Variants in NCKAP5L observed in about 807,000 individuals in gnomAD.
NCKAP5L encodes the protein NCK associated protein 5 like.
In NCKAP5L, 54 loss-of-function variants were observed where a neutral mutation model predicts 103.2. The ratio of observed to expected loss-of-function variants is 0.52; its 90% CI spans 0.42 to 0.66. The LOEUF is 0.66. Among genes scored for constraint, NCKAP5L ranks in the 30% least tolerant of loss-of-function variants. NCKAP5L has a pLI of 0.00. For synonymous variants in NCKAP5L, 762 were observed against 748.6 expected, an observed-to-expected ratio of 1.02 and a Z score of -0.29; for missense variants, 1,733 against 1,750.6, an observed-to-expected ratio of 0.99 and a Z score of 0.18.
intron 1 of NCKAP5L, among the ~76,000 whole-genome samples, chr12:49,827,776 C>T (rs1372931071): frequency 4.6e-5 from 7 of 152,208 alleles, no homozygotes; most frequent in Admixed American, 4.6e-4. Context: ...CTAGGAGACC[C>T]GGTCTTTCCG....
chr12:49,801,053 C>T (rs1209680725), intron 6 of NCKAP5L, among the ~76,000 whole-genome samples: 2 of 152,208 alleles, frequency 1.3e-5, no homozygotes, highest in African/African-American at 2.4e-5. Context: ...TGACAAGGGG[C>T]CGCCTCTGCA....
At chr12:49,811,752 G>A (rs1163112378) in intron 1 of NCKAP5L, among the ~76,000 whole-genome samples, 1 of 151,998 alleles carries the variant, frequency 6.6e-6, no homozygotes, top group Non-Finnish European at 1.5e-5. Context: ...CAGCCTGGGC[G>A]ACAAAGAGGG....
At chr12:49,812,028 C>CT (rs1233429373) in intron 1 of NCKAP5L, among the ~76,000 whole-genome samples, 4 of 152,042 alleles carry the variant, frequency 2.6e-5, no homozygotes, top group Admixed American at 1.3e-4. Flanking sequence ...TCCTCCTGGA[C>CT]TTTTTTTTAA....
chr12:49,801,972 C>A lies in NCKAP5L; in HGVS notation c.232-5G>T. 1 of 1,613,556 alleles carries A rather than the reference C, an allele frequency of 6.2e-7. No individual in the cohort carries two copies. Among genetic ancestry groups the A allele is most frequent in the Non-Finnish European group, 8.5e-7 (1 of 1,179,758 alleles). Reference sequence around the variant, plus strand: ...GATGCACTCCTCTCGCAGGTCCTGCCGCCCACCCCGGGAAGTGCAGGAAGA... The same window carrying A: ...GATGCACTCCTCTCGCAGGTCCTGCAGCCCACCCCGGGAAGTGCAGGAAGA... On this transcript the variant is annotated splice_region_variant and splice_polypyrimidine_tract_variant and intron_variant, in intron 5 of 12. Transcript: ENST00000335999.
intron 1 of NCKAP5L, among the ~76,000 whole-genome samples, chr12:49,816,080 G>T (rs1946291884): frequency 6.6e-6 from 1 of 152,160 alleles, no homozygotes; most frequent in Non-Finnish European, 1.5e-5. Flanking sequence ...TCTTCTACAA[G>T]TGCCTCCTGC....
At chr12:49,816,006 TTGTC>T (rs1223055627) in intron 1 of NCKAP5L, among the ~76,000 whole-genome samples, 1 of 152,186 alleles carries the variant, frequency 6.6e-6, no homozygotes, top group Non-Finnish European at 1.5e-5. Context: ...AGCTCTGCCT[TTGTC>T]TGGCCCCAGA....
chr12:49,808,715 G>A (rs147445162), intron 1 of NCKAP5L, among the ~76,000 whole-genome samples: 5 of 152,264 alleles, frequency 3.3e-5, no homozygotes, highest in East Asian at 1.9e-4. Context: ...GCTGAGCACC[G>A]CCTCCTCCCT....
Position 49,793,398 on chromosome 12 carries a change from G to A in NCKAP5L, c.3294C>T (p.Pro1098=). 2 of 1,609,112 alleles carry A rather than the reference G, an allele frequency of 1.2e-6. No individual in the cohort carries two copies. The highest frequency in any genetic ancestry group is 1.1e-5 in the South Asian group (1 of 91,088). The change falls in exon 10 of 13, where the codon CCC becomes CCT. Residue 1098 remains proline (P), a synonymous_variant. Coordinates refer to ENST00000335999, the MANE Select transcript of NCKAP5L (RefSeq NM_001037806.4). The stretch of plus-strand genomic sequence containing the variant: ...CTGGCTCGGCCAGGCTGTCCTCCGA[G>A]GGCATCTCTTCCCGCCTCCCTGGCT... ...SSEPGRREEM[P]SEDSLAEPVP...
chr12:49,795,376 A>G lies in NCKAP5L; in HGVS notation c.2484T>C (p.Pro828=). The stretch of plus-strand genomic sequence containing the variant: ...TGGTGACTAGCGGAGCCCCAGGTCG[A>G]GGCACCACCTTGGTTGGTGACTTGG... ...LPSKSPTKVV[P]RPGAPLVTKE... Residue 828 remains proline, a synonymous_variant, in exon 8 of 13, where the codon CCT becomes CCC. Transcript: ENST00000335999. The G allele has an allele frequency of 6.4e-7, 1 of 1,560,996 alleles. No homozygotes were observed. Among genetic ancestry groups the G allele is most frequent in the South Asian group, 1.2e-5 (1 of 81,044 alleles).
In NCKAP5L at chr12:49,795,128, T is replaced by C; in HGVS notation, c.2732A>G (p.His911Arg). The change falls in exon 8 of 13, where the codon CAC becomes CGC. Residue 911 changes from histidine (H) to arginine (R), a missense_variant. Transcript: ENST00000335999. ...GCTGGCGATGCTGCTGGTGTTGCGGTGCTTGACCTCGGCGCCAGGGGCTCG... is the reference window on the plus strand; with the variant it reads ...GCTGGCGATGCTGCTGGTGTTGCGGCGCTTGACCTCGGCGCCAGGGGCTCG... ...QERAPGAEVK[H>R]RNTSSIASWF... The C allele has an allele frequency of 1.2e-6, 2 of 1,612,524 alleles. No individual in the cohort carries two copies. Among genetic ancestry groups the C allele is most frequent in the South Asian group, 1.1e-5 (1 of 91,060 alleles).
intron 1 of NCKAP5L, among the ~76,000 whole-genome samples, chr12:49,809,001 G>A (rs1222300148): frequency 6.6e-6 from 1 of 152,090 alleles, no homozygotes; most frequent in Non-Finnish European, 1.5e-5. Flanking sequence ...AAGGAGGGGG[G>A]AGAAGAGCGG....
chr12:49,801,857 C>G lies in NCKAP5L; in HGVS notation c.342G>C (p.Ser114=), dbSNP rs768457814. Residue 114 remains serine, a synonymous_variant, in exon 6 of 13, where the codon TCG becomes TCC. Coordinates refer to ENST00000335999, the MANE Select transcript of NCKAP5L (RefSeq NM_001037806.4). ...GAGCGCAGATGCCTACCTGAGGGAG[C>G]GAGCCTGTCGTGAGCTGGAGTTTCT... The part of the protein sequence containing the change: ...FQQKLQLTTG[S]LPQIPLTPLQ... 1 of 1,613,882 alleles carries G rather than the reference C, an allele frequency of 6.2e-7. No homozygotes were observed. The highest frequency in any genetic ancestry group is 1.1e-5 in the South Asian group (1 of 91,070).
At chr12:49,793,309 G>C in intron 10 of NCKAP5L, 43 bp downstream of exon 10, 1 of 1,561,514 alleles carries the variant, frequency 6.4e-7, no homozygotes, top group South Asian at 1.1e-5. Context: ...AAGTGGGTAG[G>C]GGGGTGGGGG....
In NCKAP5L at chr12:49,795,598, AGAG is replaced by A. The variant is rs756926194; in HGVS notation, c.2259_2261del (p.Ser754del). 1.4e-5 allele frequency: 22 copies of A among 1,582,344 alleles called. No individual in the cohort carries two copies. The Admixed American group carries it at 1.6e-4, about 12-fold the overall frequency. On this transcript the variant is annotated inframe_deletion, in exon 8 of 13. Coordinates refer to ENST00000335999, the MANE Select transcript of NCKAP5L (RefSeq NM_001037806.4). The stretch of plus-strand genomic sequence containing the variant: ...GGTCCACCCGGGCCCCCATGGAGTG[AGAG>A]GAGTAGACTCGGGCCCCGGGATCCC...
In NCKAP5L at chr12:49,791,188, C is replaced by A. The variant is rs1945928702; in HGVS notation, c.*651G>T. On this transcript the variant is annotated 3_prime_UTR_variant, in exon 13 of 13. Transcript: ENST00000335999. Reference sequence around the variant, plus strand: ...CATTTTATTAGGGATACGGCAGAAGCAGAGGCAGGAAGCAGAGCAGCCGCA... The same window carrying A: ...CATTTTATTAGGGATACGGCAGAAGAAGAGGCAGGAAGCAGAGCAGCCGCA... 1 of 152,638 alleles carries A rather than the reference C, an allele frequency of 6.6e-6. No individual in the cohort carries two copies. Among genetic ancestry groups the A allele is most frequent in the Admixed American group, 6.5e-5 (1 of 15,292 alleles). 9.5% of individuals were successfully genotyped at this position (152,638 alleles called of 1,614,324 possible). A position where few individuals can be genotyped will look rare whatever the true frequency, so the allele number is the denominator to read the frequency against.
chr12:49,827,995 A>C (rs1164968389), intron 1 of NCKAP5L, among the ~76,000 whole-genome samples: 1 of 143,892 alleles, frequency 6.9e-6, no homozygotes, highest in Non-Finnish European at 1.5e-5. Context: ...GCTTTCAAAG[A>C]GGGAGGGGAG....
At chr12:49,817,489 C>T (rs1946311587) in intron 1 of NCKAP5L, among the ~76,000 whole-genome samples, 1 of 151,958 alleles carries the variant, frequency 6.6e-6, no homozygotes, top group South Asian at 2.1e-4. Context: ...AGAGTAAAGC[C>T]AGGTAAATAA....
Position 49,824,956 on chromosome 12 carries a change from G to T in NCKAP5L, c.-99+3366C>A, listed in dbSNP as rs183170326. 2.2e-3 allele frequency among the ~76,000 whole-genome samples: 338 copies of T among 152,290 alleles called. 1 individual carries two copies. The highest frequency in any genetic ancestry group is 0.016 in the South Asian group (76 of 4,828). On this transcript the variant is annotated intron_variant, in intron 1 of 12. Coordinates refer to ENST00000335999, the MANE Select transcript of NCKAP5L (RefSeq NM_001037806.4). ...AGGGCCCAGCTTTCTGCTATCTCAG[G>T]TTCAAGAACTGGCCCTCTCTGCCTT... is the stretch of plus-strand genomic sequence containing the variant.
chr12:49,801,767 G>A, intron 6 of NCKAP5L, 81 bp downstream of exon 6: 5 of 1,553,316 alleles, frequency 3.2e-6, no homozygotes, highest in Non-Finnish European at 4.4e-6. Context: ...CTAGGGGCAC[G>A]TGAGAAGACA....
Sources: gnomAD v4.1 joint callset for allele counts (sites outside exome capture counted in the v4.1 genomes callset) on GRCh38, gnomAD v4.1.1 for gene constraint, MANE v1.5 for transcripts, NCBI Gene and HGNC (gene_info 2026-07-23, HGNC 2026-07-21) for gene names.